TNRC6A: variants seen among roughly 807,000 people sequenced by gnomAD.
TNRC6A encodes the protein trinucleotide repeat containing adaptor 6A.
TNRC6A carries 44 observed loss-of-function variants against 221.2 expected under a neutral mutation model. The ratio of observed to expected loss-of-function variants is 0.20; its 90% CI spans 0.16 to 0.26. The LOEUF (loss-of-function observed/expected upper bound fraction) is 0.26. TNRC6A is among the 10% of genes least tolerant of loss of function. The probability of loss-of-function intolerance (pLI) is 1.00; values close to 1 mark genes in which losing one functional copy is unlikely to be tolerated. For synonymous variants in TNRC6A, 847 were observed against 838.5 expected, an observed-to-expected ratio of 1.01 and a Z score of -0.18; for missense variants, 2,199 against 2,404.4, an observed-to-expected ratio of 0.91 and a Z score of 1.79.
intron 1 of TNRC6A, among the ~76,000 whole-genome samples, chr16:24,622,382 C>G (rs553507395): frequency 3.9e-5 from 6 of 152,122 alleles, no homozygotes; most frequent in Non-Finnish European, 7.4e-5. Context: ...AGGTGGATCA[C>G]CTGAGGTCAG....
chr16:24,687,959 T>TTTTC (rs1567357473), intron 2 of TNRC6A, among the ~76,000 whole-genome samples: 2,124 of 87,612 alleles, frequency 0.024, 26 homozygotes, highest in Middle Eastern at 0.066. Flanking sequence ...CTTTTCTTTT[T>TTTTC]TTTTTTTTTG....
intron 4 of TNRC6A, among the ~76,000 whole-genome samples, chr16:24,770,889 C>G (rs2057576665): frequency 6.6e-6 from 1 of 152,254 alleles, no homozygotes; most frequent in African/African-American, 2.4e-5. Context: ...CCTCAAAACT[C>G]TTTCATGAGA....
intron 2 of TNRC6A, among the ~76,000 whole-genome samples, chr16:24,649,258 C>A (rs1902486290): frequency 6.6e-6 from 1 of 152,094 alleles, no homozygotes; most frequent in African/African-American, 2.4e-5. Context: ...TTAACATATG[C>A]ATGTTACCTC....
At chr16:24,633,918 TAC>T in intron 1 of TNRC6A, among the ~76,000 whole-genome samples, 1 of 152,146 alleles carries the variant, frequency 6.6e-6, no homozygotes, top group South Asian at 2.1e-4. Flanking sequence ...TAGCTGGGAT[TAC>T]AGTCATGCAC....
chr16:24,791,959 G>A (rs2058112232), intron 6 of TNRC6A, 142 bp downstream of exon 6: 2 of 863,350 alleles, frequency 2.3e-6, no homozygotes, highest in Non-Finnish European at 3.3e-6. Context: ...TAGGGGTGAT[G>A]TTTACCACCA....
At chr16:24,774,216 G>A (rs185973125) in intron 4 of TNRC6A, among the ~76,000 whole-genome samples, 1 of 152,152 alleles carries the variant, frequency 6.6e-6, no homozygotes, top group East Asian at 1.9e-4. Context: ...TTGTTACCTA[G>A]CAACCCCCAC....
chr16:24,780,102 G>A (rs2151758026), intron 5 of TNRC6A, among the ~76,000 whole-genome samples: 1 of 152,278 alleles, frequency 6.6e-6, no homozygotes, highest in Non-Finnish European at 1.5e-5. Context: ...CTCAACAGGA[G>A]CAATATTGTT....
chr16:24,701,388 C>T (rs538035009), intron 2 of TNRC6A, among the ~76,000 whole-genome samples: 8 of 149,062 alleles, frequency 5.4e-5, no homozygotes, highest in Admixed American at 3.4e-4. Flanking sequence ...TTTTTTGAGA[C>T]GGAGTCTCGC....
chr16:24,782,188 G>C (rs2057864527), intron 5 of TNRC6A, among the ~76,000 whole-genome samples: 5 of 152,140 alleles, frequency 3.3e-5, no homozygotes, highest in Admixed American at 3.3e-4. Context: ...GTTGCAACAA[G>C]TTGCCCTGGT....
chr16:24,715,461 C>T (rs1046697504), intron 2 of TNRC6A, among the ~76,000 whole-genome samples: 3 of 152,200 alleles, frequency 2.0e-5, no homozygotes, highest in Non-Finnish European at 4.4e-5. Context: ...CAAAACCCTC[C>T]TAAGTACCAT....
chr16:24,702,655 G>A (rs2056009592), intron 2 of TNRC6A, among the ~76,000 whole-genome samples: 1 of 152,062 alleles, frequency 6.6e-6, no homozygotes, highest in Non-Finnish European at 1.5e-5. Flanking sequence ...GACACCTCTT[G>A]AAACCAGGGG....
rs1014650402 is a variant in TNRC6A, at chr16:24,823,989, T to C, written c.*182T>C. On this transcript the variant is annotated 3_prime_UTR_variant, in exon 25 of 25. Coordinates refer to ENST00000395799, the MANE Select transcript of TNRC6A (RefSeq NM_014494.4). The surrounding 1 kb of genome is among the most constrained non-coding windows in gnomAD (Gnocchi z 4.3). The stretch of plus-strand genomic sequence containing the variant: ...TGAATCATGCAGGCCAATATTATAA[T>C]GTGAAAAGGTATCTACTCTATTTAC... The C allele has an allele frequency of 1.0e-5, 5 of 482,182 alleles. No individual in the cohort carries two copies. Among genetic ancestry groups the C allele is most frequent in the Non-Finnish European group, 1.7e-5 (5 of 300,778 alleles). The allele number at this position is 482,182 out of a possible 1,614,324, so 29.9% of individuals were successfully genotyped here. A position where few individuals can be genotyped will look rare whatever the true frequency, so the allele number is the denominator to read the frequency against.
At chr16:24,724,899 G>A (rs372318578), upstream of TNRC6A, among the ~76,000 whole-genome samples, 1 of 152,076 alleles carries the variant, frequency 6.6e-6, no homozygotes, top group Non-Finnish European at 1.5e-5. Context: ...GTTTGGTAAA[G>A]CCTTGGGAGG....
At chr16:24,760,702 C>T (rs2057345001) in intron 4 of TNRC6A, among the ~76,000 whole-genome samples, 1 of 152,030 alleles carries the variant, frequency 6.6e-6, no homozygotes, top group Non-Finnish European at 1.5e-5. Context: ...GCAGATGTGG[C>T]CTACTTGGTG....
intron 18 of TNRC6A, among the ~76,000 whole-genome samples, chr16:24,809,752 A>G (rs774451617): frequency 1.3e-5 from 2 of 152,152 alleles, no homozygotes; most frequent in African/African-American, 2.4e-5. Flanking sequence ...CATTTTTCTA[A>G]GTGATTTTAT....
chr16:24,658,466 A>G (rs1484895684), intron 2 of TNRC6A, among the ~76,000 whole-genome samples: 1 of 152,088 alleles, frequency 6.6e-6, no homozygotes, highest in African/African-American at 2.4e-5. Flanking sequence ...AATTCGAGCA[A>G]TTCTCCTGCC....
At chr16:24,725,867 G>A (rs1179007162), upstream of TNRC6A, among the ~76,000 whole-genome samples, 1 of 151,978 alleles carries the variant, frequency 6.6e-6, no homozygotes, top group East Asian at 1.9e-4. Context: ...AGGTGTAGTG[G>A]CACACGTCTG....
intron 11 of TNRC6A, among the ~76,000 whole-genome samples, chr16:24,798,399 G>A (rs1019884949): frequency 2.6e-5 from 4 of 152,130 alleles, no homozygotes; most frequent in Admixed American, 6.6e-5. Context: ...AAACAAGGTC[G>A]GTGCTGAGTC....
At chr16:24,703,792 A>AT (rs1202384327) in intron 2 of TNRC6A, among the ~76,000 whole-genome samples, 26 of 151,536 alleles carry the variant, frequency 1.7e-4, no homozygotes, top group South Asian at 1.3e-3. Context: ...CTATGTTTAG[A>AT]TTTTTTTTTG....
Sources: allele counts gnomAD v4.1 joint callset (sites outside exome capture counted in the v4.1 genomes callset), GRCh38; gene constraint gnomAD v4.1.1; non-coding constraint Gnocchi (gnomAD v3.1); transcripts MANE v1.5; gene names NCBI Gene and HGNC (gene_info 2026-07-23, HGNC 2026-07-21).